The following SNTG2 variants were observed in gnomAD, a reference collection of about 807,000 sequenced individuals.
SNTG2 encodes the protein gamma-2-syntrophin.
A neutral mutation model predicts 70.9 loss-of-function variants in SNTG2; 74 were observed. The ratio of observed to expected loss-of-function variants is 1.04; its 90% CI spans 0.86 to 1.27. The LOEUF (loss-of-function observed/expected upper bound fraction) is 1.27. Ranked by LOEUF, SNTG2 falls within the 50% of genes most tolerant of loss-of-function variation. SNTG2 has a pLI of 0.00. For synonymous variants in SNTG2, 278 were observed against 273.8 expected, an observed-to-expected ratio of 1.02 and a Z score of -0.15; for missense variants, 717 against 690.7, an observed-to-expected ratio of 1.04 and a Z score of -0.43.
At chr2:1,271,282 TAC>T (rs1318801064) in intron 14 of SNTG2, among the ~76,000 whole-genome samples, 1 of 152,166 alleles carries the variant, frequency 6.6e-6, no homozygotes, top group Non-Finnish European at 1.5e-5. Context: ...AAACTGTTTT[TAC>T]ACATACTCAA....
chr2:1,143,794 G>A (rs371168977), intron 6 of SNTG2, among the ~76,000 whole-genome samples: 1 of 147,868 alleles, frequency 6.8e-6, no homozygotes, highest in Admixed American at 6.8e-5. Context: ...AATTGCTTGA[G>A]CCCGGGAGGC....
chr2:1,283,445 C>T (rs1001861044), intron 14 of SNTG2, among the ~76,000 whole-genome samples: 3 of 152,158 alleles, frequency 2.0e-5, no homozygotes, highest in Non-Finnish European at 2.9e-5. Context: ...TGTCCACTGC[C>T]CAGTTACAAA....
At chr2:1,001,426 GATAAAA>G (rs1384920980) in intron 1 of SNTG2, among the ~76,000 whole-genome samples, 1 of 151,888 alleles carries the variant, frequency 6.6e-6, no homozygotes, top group Non-Finnish European at 1.5e-5. Flanking sequence ...AAAGTTTCAA[GATAAAA>G]ATAAATGTAC....
At chr2:998,106 A>G (rs1661752347) in intron 1 of SNTG2, among the ~76,000 whole-genome samples, 1 of 152,188 alleles carries the variant, frequency 6.6e-6, no homozygotes, top group Non-Finnish European at 1.5e-5. Flanking sequence ...AAAAAGCCAG[A>G]TGACTCTACA....
At chr2:1,036,343 T>C (rs1661128420) in intron 1 of SNTG2, among the ~76,000 whole-genome samples, 1 of 152,218 alleles carries the variant, frequency 6.6e-6, no homozygotes, top group African/African-American at 2.4e-5. Flanking sequence ...TCTGATATTC[T>C]TTACAAGGCA....
chr2:1,067,415 C>T (rs1262701734), intron 1 of SNTG2, among the ~76,000 whole-genome samples: 1 of 152,190 alleles, frequency 6.6e-6, no homozygotes, highest in Non-Finnish European at 1.5e-5. Flanking sequence ...TTTCATGGAT[C>T]ACTTATGCTT....
At chr2:1,095,785 T>C (rs777826550) in intron 2 of SNTG2, among the ~76,000 whole-genome samples, 53 of 152,218 alleles carry the variant, frequency 3.5e-4, no homozygotes, top group Admixed American at 9.8e-4. Context: ...ACAGCTACAA[T>C]TTTAAAATGT....
intron 15 of SNTG2, 146 bp from the exon 16 acceptor site, chr2:1,316,119 C>T: frequency 1.7e-6 from 1 of 574,910 alleles, no homozygotes. Context: ...AAAGTAGAGA[C>T]AGACAAATCA....
chr2:951,360 G>C (rs577807157), intron 1 of SNTG2, among the ~76,000 whole-genome samples: 1 of 152,346 alleles, frequency 6.6e-6, no homozygotes, highest in South Asian at 2.1e-4. Context: ...CCTTTACTGC[G>C]TGGGAAGTAG....
intron 14 of SNTG2, among the ~76,000 whole-genome samples, chr2:1,304,212 C>T (rs868434204): frequency 6.6e-6 from 1 of 152,210 alleles, no homozygotes; most frequent in African/African-American, 2.4e-5. Flanking sequence ...ACTAGGTGAC[C>T]TACGCGTGGC....
chr2:1,293,314 C>A (rs1157905663), intron 14 of SNTG2, among the ~76,000 whole-genome samples: 3 of 151,866 alleles, frequency 2.0e-5, no homozygotes, highest in African/African-American at 7.2e-5. Flanking sequence ...AGTTTTGCAT[C>A]CATTGATTTT....
At chr2:1,053,542 G>A (rs571423764) in intron 1 of SNTG2, among the ~76,000 whole-genome samples, 205 of 136,176 alleles carry the variant, frequency 1.5e-3, no homozygotes, top group African/African-American at 2.9e-3. Flanking sequence ...TCACGGAGAC[G>A]TAATTGTTTC....
At chr2:1,132,174 A>G (rs1668060362) in intron 4 of SNTG2, among the ~76,000 whole-genome samples, 1 of 152,146 alleles carries the variant, frequency 6.6e-6, no homozygotes, top group Admixed American at 6.6e-5. Context: ...TTATTTAATC[A>G]GATAATCTCC....
At chr2:978,942 A>G (rs1394852530) in intron 1 of SNTG2, among the ~76,000 whole-genome samples, 1 of 152,234 alleles carries the variant, frequency 6.6e-6, no homozygotes, top group Non-Finnish European at 1.5e-5. Context: ...AATATTATGT[A>G]TTCATTTTAA....
intron 2 of SNTG2, among the ~76,000 whole-genome samples, chr2:1,088,954 A>T (rs1664849778): frequency 1.3e-5 from 2 of 152,230 alleles, no homozygotes. Flanking sequence ...GAACATAAAC[A>T]AACTGTAAGA....
intron 16 of SNTG2, among the ~76,000 whole-genome samples, chr2:1,354,445 C>T (rs1159767676): frequency 4.9e-5 from 3 of 61,852 alleles, no homozygotes; most frequent in African/African-American, 2.1e-4. Flanking sequence ...AGTGGAAGAA[C>T]GCCGGGCTGG....
In SNTG2 at chr2:981,472, CACACATGCACATGAGTGCACATGTGTCCT is replaced by C. The variant is rs529086303; in HGVS notation, c.72+30414_72+30442del. On this transcript the variant is annotated intron_variant, in intron 1 of 16. Coordinates refer to ENST00000308624, the MANE Select transcript of SNTG2 (RefSeq NM_018968.4). ...ACACAAATGCATATGCACACATGCT[CACACATGCACATGAGTGCACATGTGTCCT>C]ACACATGCAAGCACTCACACATGTT... 5.4e-3 allele frequency among the ~76,000 whole-genome samples: 817 copies of C among 152,168 alleles called. 5 individuals carry two copies. Among genetic ancestry groups the C allele is most frequent in the African/African-American group, 0.019 (774 of 41,522 alleles).
At chr2:1,297,535 C>T (rs894355128) in intron 14 of SNTG2, among the ~76,000 whole-genome samples, 2 of 152,172 alleles carry the variant, frequency 1.3e-5, no homozygotes, top group Admixed American at 1.3e-4. Flanking sequence ...CCCTGCACCT[C>T]TGCAGCTCCT....
intron 1 of SNTG2, among the ~76,000 whole-genome samples, chr2:1,062,296 A>G (rs958879536): frequency 6.6e-6 from 1 of 152,212 alleles, no homozygotes; most frequent in Non-Finnish European, 1.5e-5. Flanking sequence ...GTTGTTGTCT[A>G]GATGGAGACA....
Sources: allele counts gnomAD v4.1 joint callset (sites outside exome capture counted in the v4.1 genomes callset), GRCh38; gene constraint gnomAD v4.1.1; transcripts MANE v1.5; gene names NCBI Gene and HGNC (gene_info 2026-07-23, HGNC 2026-07-21).